The following SNTG2 variants were observed in gnomAD, a reference collection of about 807,000 sequenced individuals.
SNTG2 encodes gamma-2-syntrophin.
In SNTG2, 74 loss-of-function variants were observed where a neutral mutation model predicts 70.9. The observed-to-expected ratio is 1.04, with a 90% CI of 0.86 to 1.27. The LOEUF is 1.27. SNTG2 is among the 50% of genes most tolerant of loss of function. The probability of loss-of-function intolerance (pLI) is 0.00; values close to 1 mark genes in which losing one functional copy is unlikely to be tolerated. For synonymous variants in SNTG2, 278 were observed against 273.8 expected (o/e 1.02, Z -0.15); for missense variants, 717 against 690.7 (o/e 1.04, Z -0.43).
At chr2:1,323,640 C>A (rs1399697342) in intron 16 of SNTG2, among the ~76,000 whole-genome samples, 1 of 151,208 alleles carries the variant, frequency 6.6e-6, no homozygotes, top group Non-Finnish European at 1.5e-5. Context: ...GGCTAAGACC[C>A]CCCAGTAGAC....
chr2:1,290,201 C>T (rs1463943470), intron 14 of SNTG2, among the ~76,000 whole-genome samples: 2 of 152,010 alleles, frequency 1.3e-5, no homozygotes, highest in African/African-American at 2.4e-5. Context: ...GTACAGGAGG[C>T]ATGGTTGGGG....
intron 4 of SNTG2, among the ~76,000 whole-genome samples, chr2:1,125,971 A>G (rs1572506093): frequency 6.6e-6 from 1 of 152,180 alleles, no homozygotes; most frequent in Non-Finnish European, 1.5e-5. Context: ...CATCATCTCC[A>G]ACATTTATTA....
chr2:1,124,821 A>G (rs1667604812), intron 4 of SNTG2, among the ~76,000 whole-genome samples: 1 of 152,188 alleles, frequency 6.6e-6, no homozygotes, highest in Non-Finnish European at 1.5e-5. Flanking sequence ...GCTGGAGGTC[A>G]GAGGATGCAA....
At chr2:1,103,378 TC>T (rs1230463484) in intron 4 of SNTG2, 9 of 290,596 alleles carry the variant, frequency 3.1e-5, no homozygotes, top group African/African-American at 7.4e-5. Flanking sequence ...ATTATAAATT[TC>T]TTTTTTTTTT....
chr2:1,265,714 G>A (rs898028963), intron 13 of SNTG2, among the ~76,000 whole-genome samples: 7 of 152,258 alleles, frequency 4.6e-5, no homozygotes, highest in Admixed American at 1.3e-4. Context: ...GACCTTGAGC[G>A]TAAGTGTGAG....
At chr2:1,077,249 G>C (rs183813091) in intron 1 of SNTG2, among the ~76,000 whole-genome samples, 1 of 152,188 alleles carries the variant, frequency 6.6e-6, no homozygotes. Context: ...CTGTTTCTGA[G>C]TGTTTTCTGG....
chr2:1,327,659 G>A (rs577185022), intron 16 of SNTG2, among the ~76,000 whole-genome samples: 143 of 152,212 alleles, frequency 9.4e-4, no homozygotes, highest in Non-Finnish European at 1.7e-3. Context: ...TGTATGTTAT[G>A]CAGGTATCGT....
At chr2:1,241,313 C>A (rs1001744802) in intron 11 of SNTG2, among the ~76,000 whole-genome samples, 4 of 152,184 alleles carry the variant, frequency 2.6e-5, no homozygotes, top group African/African-American at 9.6e-5. Flanking sequence ...TGATGCTAAA[C>A]AGTGATGTCC....
At chr2:1,259,251 A>G (rs2148164012) in intron 12 of SNTG2, 119 bp from the exon 13 acceptor site, 2 of 797,944 alleles carry the variant, frequency 2.5e-6, no homozygotes, top group South Asian at 1.7e-5. Context: ...AATTTATACT[A>G]ATGGGGCTTA....
intron 4 of SNTG2, among the ~76,000 whole-genome samples, chr2:1,133,653 A>C (rs971262940): frequency 1.3e-5 from 2 of 152,098 alleles, no homozygotes; most frequent in African/African-American, 4.8e-5. Context: ...ATTTCGAATT[A>C]AAATCAAGCT....
rs530045461 is a variant in SNTG2, at chr2:1,118,077, G to C, written c.326-19545G>C. Among the ~76,000 whole-genome samples the C allele has an allele frequency of 5.9e-5, 9 of 152,210 alleles. No individual in the cohort carries two copies. The South Asian group carries it at 1.7e-3, about 28-fold the overall frequency. Reference sequence around the variant, plus strand: ...TGCCAGAGTCTGCCTCAGAACAACAGACCCCAGCTTTGTGGACAATCTGAA... The same window carrying C: ...TGCCAGAGTCTGCCTCAGAACAACACACCCCAGCTTTGTGGACAATCTGAA... On this transcript the variant is annotated intron_variant, in intron 4 of 16. Coordinates refer to ENST00000308624, the MANE Select transcript of SNTG2 (RefSeq NM_018968.4).
Position 1,269,520 on chromosome 2 carries a change from C to CA in SNTG2, c.1284+1958dup, listed in dbSNP as rs1290327257. ...TGGGCCACAGAGTGAGACCCTGTCTCAAAAAAAAAGGTATAGGGTAGGGTG... is the reference window on the plus strand; with the variant it reads ...TGGGCCACAGAGTGAGACCCTGTCTCAAAAAAAAAAGGTATAGGGTAGGGTG... On this transcript the variant is annotated intron_variant, in intron 14 of 16. Coordinates refer to ENST00000308624, the MANE Select transcript of SNTG2 (RefSeq NM_018968.4). Among the ~76,000 whole-genome samples, 9 of 148,724 alleles carry CA rather than the reference C, an allele frequency of 6.1e-5. No individual in the cohort carries two copies. In the South Asian group the frequency reaches 6.4e-4, roughly 11 times the overall value.
Position 1,222,075 on chromosome 2 carries a change from CTCTGTCTCTG to C in SNTG2, c.719+12849_719+12858del, listed in dbSNP as rs1675153536. On this transcript the variant is annotated intron_variant, in intron 9 of 16. Coordinates refer to ENST00000308624, the MANE Select transcript of SNTG2 (RefSeq NM_018968.4). ...TCTCTCTGTCTCTGTTTCTCTCTGT[CTCTGTCTCTG>C]TCTCTCTCTGTCTCTCTCTGTCTCT... is the stretch of plus-strand genomic sequence containing the variant. Among the ~76,000 whole-genome samples the C allele has an allele frequency of 4.4e-5, 4 of 91,160 alleles. 2 individuals carry two copies. Among genetic ancestry groups the C allele is most frequent in the Non-Finnish European group, 9.4e-5 (4 of 42,514 alleles). 59.8% of individuals were successfully genotyped at this position (91,160 alleles called of 152,430 possible).
chr2:1,275,377 C>A (rs12998581), intron 14 of SNTG2, among the ~76,000 whole-genome samples: 46,548 of 152,208 alleles, frequency 0.31, 8,032 homozygotes, highest in African/African-American at 0.47. Context: ...TTCCAGCAGT[C>A]TGTGCTCTGT....
chr2:1,159,281 G>A (rs921825504), intron 6 of SNTG2: 4 of 152,100 alleles, frequency 2.6e-5, no homozygotes, highest in Non-Finnish European at 5.9e-5. Context: ...GTGTATGTGG[G>A]GGGTGTATAT....
intron 4 of SNTG2, among the ~76,000 whole-genome samples, chr2:1,134,785 G>T (rs376441501): frequency 1.3e-5 from 2 of 152,144 alleles, no homozygotes; most frequent in Admixed American, 6.5e-5. Flanking sequence ...GGCGTCGCTC[G>T]TTGGGGAGGC....
chr2:1,209,128 T>C lies in SNTG2; in HGVS notation c.617T>C (p.Ile206Thr), dbSNP rs1225347107. The stretch of plus-strand genomic sequence containing the variant: ...GCCCCATCGTCACCTTCCTCGCCCA[T>C]AGCTAAGGACCCGAGGTATGAGAAG... The part of the protein sequence containing the change: ...TTAPSSPSSP[I>T]AKDPRYEKRW... Residue 206 changes from isoleucine to threonine, a missense_variant, in exon 9 of 17, where the codon ATA (isoleucine) becomes ACA (threonine). Coordinates refer to ENST00000308624, the MANE Select transcript of SNTG2 (RefSeq NM_018968.4). The C allele has an allele frequency of 6.2e-7, 1 of 1,613,828 alleles. No individual in the cohort carries two copies. The highest frequency in any genetic ancestry group is 8.5e-7 in the Non-Finnish European group (1 of 1,179,886).
intron 9 of SNTG2, among the ~76,000 whole-genome samples, chr2:1,231,068 T>A (rs1441942169): frequency 6.7e-6 from 1 of 148,566 alleles, no homozygotes; most frequent in South Asian, 2.1e-4. Context: ...GTGAAATAGA[T>A]CCGAAAGGTG....
At chr2:1,202,200 C>A (rs1010623919) in intron 8 of SNTG2, among the ~76,000 whole-genome samples, 2 of 151,970 alleles carry the variant, frequency 1.3e-5, no homozygotes, top group African/African-American at 4.8e-5. Flanking sequence ...TCTCAGTTTT[C>A]TTTCAGATAA....
Sources: allele counts gnomAD v4.1 joint callset (sites outside exome capture counted in the v4.1 genomes callset), GRCh38; gene constraint gnomAD v4.1.1; transcripts MANE v1.5; gene names NCBI Gene and HGNC (gene_info 2026-07-23, HGNC 2026-07-21).